Variants in COL19A1 observed in about 807,000 individuals in gnomAD.
COL19A1 encodes the protein collagen type XIX alpha 1 chain.
A neutral mutation model predicts 190.2 loss-of-function variants in COL19A1; 159 were observed. That is an observed-to-expected ratio of 0.84 (90% CI 0.73 to 0.95). The LOEUF is 0.95. Ranked by LOEUF, COL19A1 falls within the 40% of genes least tolerant of loss-of-function variation. The pLI is 0.00. For synonymous variants in COL19A1, 509 were observed against 458.9 expected, an observed-to-expected ratio of 1.11 and a Z score of -1.39; for missense variants, 1,418 against 1,431.9, an observed-to-expected ratio of 0.99 and a Z score of 0.16.
rs1010324237 is a variant in COL19A1 at position 69,867,976 on chromosome 6, G to A, written c.-33+1336G>A. On this transcript the variant is annotated intron_variant, in intron 1 of 50. Coordinates refer to ENST00000620364, the MANE Select transcript of COL19A1 (RefSeq NM_001858.6). ...CTCCCTCAATCCCCAATTCCAAGAC[G>A]ACTCAGTCCCATCTTCTGCTTGGAT... is the stretch of plus-strand genomic sequence containing the variant. 1.8e-4 allele frequency among the ~76,000 whole-genome samples: 27 copies of A among 151,980 alleles called. No homozygotes were observed. The East Asian group carries it at 5.3e-3, about 30-fold the overall frequency.
intron 41 of COL19A1, among the ~76,000 whole-genome samples, chr6:70,173,447 C>A (rs961540022): frequency 6.6e-6 from 1 of 152,086 alleles, no homozygotes; most frequent in African/African-American, 2.4e-5. Context: ...AAGAAGTAAC[C>A]AGCGAGGTAG....
At chr6:69,929,367 T>C (rs1251688215) in intron 5 of COL19A1, 58 bp from the exon 6 acceptor site, 2 of 1,526,400 alleles carry the variant, frequency 1.3e-6, no homozygotes, top group South Asian at 1.2e-5. Context: ...CTTTGTGTGC[T>C]TTAATAATTT....
In COL19A1 at chr6:70,009,722, C is replaced by T. The variant is rs1437344581; in HGVS notation, c.1027-13905C>T. ...CATAATGATAATCAAGGAAGTGTGG[C>T]ATCAGCTTAAAGATAGACAAATAGA... On this transcript the variant is annotated intron_variant, in intron 11 of 50. Coordinates refer to ENST00000620364, the MANE Select transcript of COL19A1 (RefSeq NM_001858.6). Among the ~76,000 whole-genome samples, 2 of 137,944 alleles carry T rather than the reference C, an allele frequency of 1.4e-5. 1 individual carries two copies. The highest frequency in any genetic ancestry group is 6.9e-5 in the African/African-American group (2 of 28,912). 90.5% of individuals were successfully genotyped at this position (137,944 alleles called of 152,430 possible).
At chr6:70,177,794 T>C (rs932157083) in intron 42 of COL19A1, among the ~76,000 whole-genome samples, 44 of 152,236 alleles carry the variant, frequency 2.9e-4, no homozygotes, top group African/African-American at 1.0e-3. Flanking sequence ...TGATTTGAAT[T>C]TTTGTTTCCT....
At chr6:70,133,453 C>G (rs1785646587) in intron 18 of COL19A1, among the ~76,000 whole-genome samples, 1 of 152,136 alleles carries the variant, frequency 6.6e-6, no homozygotes, top group Admixed American at 6.5e-5. Flanking sequence ...ACCAGTCTAC[C>G]AGTGTGGAAA....
At chr6:70,007,733 G>A (rs1423884017) in intron 11 of COL19A1, among the ~76,000 whole-genome samples, 2 of 151,940 alleles carry the variant, frequency 1.3e-5, no homozygotes, top group African/African-American at 4.8e-5. Flanking sequence ...CATCTGAACT[G>A]ACATTCATAA....
intron 11 of COL19A1, among the ~76,000 whole-genome samples, chr6:69,993,516 A>C (rs1776736629): frequency 6.6e-6 from 1 of 152,032 alleles, no homozygotes; most frequent in East Asian, 1.9e-4. Flanking sequence ...TTTTTGAAGT[A>C]GTTTCAGTAG....
intron 34 of COL19A1, among the ~76,000 whole-genome samples, chr6:70,157,567 A>G (rs1448310545): frequency 6.6e-6 from 1 of 152,114 alleles, no homozygotes; most frequent in African/African-American, 2.4e-5. Flanking sequence ...ATTACCAGTA[A>G]TCATCATGTA....
In COL19A1 at chr6:69,983,563, G is replaced by T. The variant is rs766311339; in HGVS notation, c.1026+20693G>T. On this transcript the variant is annotated intron_variant, in intron 11 of 50. Coordinates refer to ENST00000620364, the MANE Select transcript of COL19A1 (RefSeq NM_001858.6). ...TTCTTTTTCTAAATTTAAGGGGAAAGAATTCAATATTTTATCACTAAGTAT... is the reference window on the plus strand; with the variant it reads ...TTCTTTTTCTAAATTTAAGGGGAAATAATTCAATATTTTATCACTAAGTAT... 4.6e-5 allele frequency among the ~76,000 whole-genome samples: 7 copies of T among 152,048 alleles called. No homozygotes were observed. In the South Asian group the frequency reaches 6.2e-4, roughly 13 times the overall value.
At chr6:69,899,165 ATT>A (rs112888229) in intron 3 of COL19A1, 143 bp downstream of exon 3, 8,963 of 414,664 alleles carry the variant, frequency 0.022, no homozygotes, top group South Asian at 0.032. Flanking sequence ...ATTCTTTTTA[ATT>A]TTTTTTTTTT....
At chr6:70,099,104 G>T (rs1783471690) in intron 15 of COL19A1, among the ~76,000 whole-genome samples, 2 of 146,738 alleles carry the variant, frequency 1.4e-5, no homozygotes, top group Non-Finnish European at 3.0e-5. Flanking sequence ...AAGAGATTGT[G>T]CCCTGCCTGG....
chr6:69,987,244 T>A (rs1236074747), intron 11 of COL19A1, among the ~76,000 whole-genome samples: 1 of 152,196 alleles, frequency 6.6e-6, no homozygotes, highest in African/African-American at 2.4e-5. Flanking sequence ...AATCCTTCTG[T>A]CATGTTCATT....
At chr6:69,965,771 T>C (rs1775053794) in intron 11 of COL19A1, among the ~76,000 whole-genome samples, 1 of 152,134 alleles carries the variant, frequency 6.6e-6, no homozygotes, top group South Asian at 2.1e-4. Flanking sequence ...TGTAGACCTA[T>C]AGGAATGACC....
intron 41 of COL19A1, among the ~76,000 whole-genome samples, chr6:70,174,558 T>C (rs1421017438): frequency 1.6e-5 from 2 of 124,312 alleles, no homozygotes; most frequent in African/African-American, 5.9e-5. Flanking sequence ...AGACTCCGTC[T>C]CAAAAAAAAA....
At chr6:70,096,764 G>A (rs62420151) in intron 15 of COL19A1, among the ~76,000 whole-genome samples, 1 of 152,158 alleles carries the variant, frequency 6.6e-6, no homozygotes, top group Non-Finnish European at 1.5e-5. Context: ...TAGTTTTAGA[G>A]TAGTGGTTCT....
At chr6:70,109,903 G>A (rs965520482) in intron 16 of COL19A1, among the ~76,000 whole-genome samples, 2 of 152,148 alleles carry the variant, frequency 1.3e-5, no homozygotes, top group Admixed American at 6.6e-5. Flanking sequence ...CAGTTGAACA[G>A]TTGGGGCAAT....
In COL19A1 at chr6:70,156,657, A is replaced by G. The variant is rs377608663; in HGVS notation, c.2239-13A>G. On this transcript the variant is annotated splice_polypyrimidine_tract_variant and intron_variant, in intron 33 of 50. Transcript: ENST00000620364. ...ATGATTGCATGTGCTAGCTGAATGT[A>G]TTGTCTTTTTAGGGAAGCAAAGGAG... The G allele has an allele frequency of 8.1e-6, 13 of 1,611,000 alleles. No homozygotes were observed. The highest frequency in any genetic ancestry group is 8.5e-6 in the Non-Finnish European group (10 of 1,178,238).
At position 70,142,034 on chromosome 6, in the gene COL19A1, A is replaced by G. The variant is rs774944119; in HGVS notation, c.1530A>G (p.Gly510=). Residue 510 remains glycine (G), a synonymous_variant, in exon 22 of 51, where the codon GGA becomes GGG. Transcript: ENST00000620364. ...CCCCACGTGTTTAGGGTGAACCTGG[A>G]GATCCCGGACCCCCTGGTTTAATAG... ...IGSQGVKGEP[G]DPGPPGLIGS... is the part of the protein sequence containing the mutation. 6.2e-7 allele frequency: 1 copy of G among 1,612,430 alleles called. No homozygotes were observed. The highest frequency in any genetic ancestry group is 8.5e-7 in the Non-Finnish European group (1 of 1,178,914).
intron 14 of COL19A1, among the ~76,000 whole-genome samples, chr6:70,061,012 C>A (rs907446683): frequency 5.3e-5 from 8 of 152,066 alleles, no homozygotes; most frequent in African/African-American, 1.9e-4. Context: ...AAATGCTGAG[C>A]TCTATCCAAG....
Sources: allele counts gnomAD v4.1 joint callset (sites outside exome capture counted in the v4.1 genomes callset), GRCh38; gene constraint gnomAD v4.1.1; transcripts MANE v1.5; gene names NCBI Gene and HGNC (gene_info 2026-07-23, HGNC 2026-07-21).